Variants in ERI1 observed in about 807,000 individuals in gnomAD.
ERI1 encodes exoribonuclease 1.
In ERI1, 39 loss-of-function variants were observed where a neutral mutation model predicts 39.7. The observed-to-expected ratio is 0.98, with a 90% CI of 0.76 to 1.28. The LOEUF (loss-of-function observed/expected upper bound fraction) is 1.28, where lower values mean the gene tolerates loss of function less well. ERI1 is among the 50% of genes most tolerant of loss of function. The pLI is 0.00. For missense variants in ERI1, 581 were observed against 416.9 expected (o/e 1.39, Z -3.43); for synonymous variants, 204 against 149.6 (o/e 1.36, Z -2.65).
chr8:9,016,930 G>A (rs1292614142), intron 4 of ERI1, among the ~76,000 whole-genome samples: 3 of 152,126 alleles, frequency 2.0e-5, no homozygotes, highest in Non-Finnish European at 4.4e-5. Context: ...CAAGTGTCCC[G>A]CCTCGGCCTG....
chr8:9,003,235 A>T, intron 1 of ERI1, 64 bp downstream of exon 1: 2 of 1,022,022 alleles, frequency 2.0e-6, no homozygotes, highest in East Asian at 3.3e-5. Flanking sequence ...CGCCCTCGGC[A>T]CCCCTTTCTT....
chr8:9,026,456 AC>A (rs1406627584), intron 6 of ERI1, among the ~76,000 whole-genome samples: 6 of 152,100 alleles, frequency 3.9e-5, no homozygotes, highest in African/African-American at 1.4e-4. Flanking sequence ...TTATCTATAT[AC>A]CTCTTATAAG....
At chr8:9,094,442 C>A (rs141388043) in intron 3 of ERI1, among the ~76,000 whole-genome samples, 9 of 152,304 alleles carry the variant, frequency 5.9e-5, no homozygotes, top group African/African-American at 2.2e-4. Context: ...TTTCAATCCA[C>A]GTACCTCTTT....
downstream of ERI1, among the ~76,000 whole-genome samples, chr8:9,037,954 T>C (rs539188216): frequency 2.6e-5 from 4 of 152,000 alleles, no homozygotes; most frequent in East Asian, 7.8e-4. Flanking sequence ...ATTGGTTGCC[T>C]TTCCTCTGTG....
At chr8:9,016,012 C>T (rs941810191) in intron 3 of ERI1, among the ~76,000 whole-genome samples, 6 of 151,906 alleles carry the variant, frequency 3.9e-5, no homozygotes, top group Admixed American at 6.6e-5. Flanking sequence ...TGCATTAATG[C>T]GCTTTATAGT....
chr8:9,036,498 G>C (rs868725025), downstream of ERI1, among the ~76,000 whole-genome samples: 3 of 152,122 alleles, frequency 2.0e-5, no homozygotes, highest in Non-Finnish European at 4.4e-5. Flanking sequence ...GTATTTTTTA[G>C]ACATAATGCT....
intron 3 of ERI1, among the ~76,000 whole-genome samples, chr8:9,044,913 C>T (rs1012911901): frequency 6.6e-6 from 1 of 152,046 alleles, no homozygotes; most frequent in Non-Finnish European, 1.5e-5. Context: ...TCTGAAATCT[C>T]GCCTTAGAGT....
intron 6 of ERI1, among the ~76,000 whole-genome samples, chr8:9,026,004 C>G (rs1253037054): frequency 6.6e-6 from 1 of 152,146 alleles, no homozygotes; most frequent in Non-Finnish European, 1.5e-5. Context: ...GTCTCAGCCA[C>G]TGATATGGAC....
chr8:9,084,413 T>C (rs911298681), intron 3 of ERI1, among the ~76,000 whole-genome samples: 1 of 152,220 alleles, frequency 6.6e-6, no homozygotes, highest in African/African-American at 2.4e-5. Flanking sequence ...TGGAATTGTA[T>C]GGACAGTGGC....
chr8:9,024,521 A>G (rs933250634), intron 6 of ERI1, among the ~76,000 whole-genome samples: 5 of 151,888 alleles, frequency 3.3e-5, no homozygotes, highest in African/African-American at 1.2e-4. Context: ...CCTGGGTTCA[A>G]TCAATTCTCC....
At chr8:9,088,267 T>C (rs1474523539) in intron 3 of ERI1, among the ~76,000 whole-genome samples, 1 of 142,166 alleles carries the variant, frequency 7.0e-6, no homozygotes, top group Non-Finnish European at 1.5e-5. Flanking sequence ...CTCTGTAAAT[T>C]AAAAAAAAAA....
chr8:9,017,603 C>T (rs1299965934), intron 4 of ERI1, among the ~76,000 whole-genome samples: 2 of 152,050 alleles, frequency 1.3e-5, no homozygotes, highest in Non-Finnish European at 2.9e-5. Context: ...AGAAGACTGT[C>T]CTGGGGAAAA....
Position 9,008,115 on chromosome 8 carries a change from G to C in ERI1, c.254G>C (p.Arg85Thr), listed in dbSNP as rs770364210. 1 of 1,598,428 alleles carries C rather than the reference G, an allele frequency of 6.3e-7. No homozygotes were observed. Residue 85 changes from arginine (R) to threonine (T), a missense_variant, in exon 2 of 7, where the codon AGA (arginine) becomes ACA (threonine). Transcript: ENST00000250263. The stretch of plus-strand genomic sequence containing the variant: ...AATAGAATGAGTAAGGAAGAACTCA[G>C]AGCTAAGCTTTCAGAATTCAAGCTT... ...CINRMSKEEL[R>T]AKLSEFKLET...
intron 3 of ERI1, among the ~76,000 whole-genome samples, chr8:9,059,130 CTGAGCCAGGA>C (rs1451928729): frequency 6.6e-6 from 1 of 152,070 alleles, no homozygotes; most frequent in Non-Finnish European, 1.5e-5. Flanking sequence ...AGGGGAGCTT[CTGAGCCAGGA>C]TGAGCCAGGA....
chr8:9,005,697 G>C (rs56001405), intron 1 of ERI1, among the ~76,000 whole-genome samples: 1 of 151,568 alleles, frequency 6.6e-6, no homozygotes, highest in Non-Finnish European at 1.5e-5. Context: ...TAGTAGAGAC[G>C]GGGTTTCACC....
intron 6 of ERI1, among the ~76,000 whole-genome samples, chr8:9,027,700 A>T (rs1797281159): frequency 6.6e-6 from 1 of 152,186 alleles, no homozygotes; most frequent in African/African-American, 2.4e-5. Context: ...GCACGTGGAT[A>T]TTCAGTTTTC....
intron 5 of ERI1, among the ~76,000 whole-genome samples, chr8:9,019,514 A>G (rs1378476176): frequency 2.0e-5 from 3 of 152,208 alleles, no homozygotes; most frequent in Non-Finnish European, 4.4e-5. Flanking sequence ...TTTGTGGGAC[A>G]GATCACTCAA....
rs1817965488 is a variant in ERI1 at position 9,022,053 on chromosome 8, C to T, written c.807+1589C>T. ...GGTCATGGGATATGTACATCATTGA[C>T]ATTACTAGATAATACAAAAATAGTT... On this transcript the variant is annotated intron_variant, in intron 6 of 6. Coordinates refer to ENST00000250263, the MANE Select transcript of ERI1 (RefSeq NM_153332.4). Among the ~76,000 whole-genome samples the T allele has an allele frequency of 4.6e-5, 7 of 151,922 alleles. 1 individual carries two copies. Among genetic ancestry groups the T allele is most frequent in the Admixed American group, 4.6e-4 (7 of 15,232 alleles).
chr8:9,042,533 C>G (rs189177306), intron 3 of ERI1, among the ~76,000 whole-genome samples: 310 of 152,318 alleles, frequency 2.0e-3, no homozygotes, highest in African/African-American at 7.3e-3. Flanking sequence ...CTCAAATCTG[C>G]CAGTTCCCTG....
Sources: gnomAD v4.1 joint callset for allele counts (sites outside exome capture counted in the v4.1 genomes callset) on GRCh38, gnomAD v4.1.1 for gene constraint, MANE v1.5 for transcripts, NCBI Gene and HGNC (gene_info 2026-07-23, HGNC 2026-07-21) for gene names.